RBFOX1: variants seen among roughly 807,000 people sequenced by gnomAD.
The protein encoded by RBFOX1 is RNA binding protein fox-1 homolog 1.
In RBFOX1, 8 loss-of-function variants were observed where a neutral mutation model predicts 57.7. That is an observed-to-expected ratio of 0.14 (90% CI 0.08 to 0.25). RBFOX1 has a LOEUF of 0.25. RBFOX1 is among the 10% of genes least tolerant of loss of function. RBFOX1 has a pLI of 1.00. For synonymous variants in RBFOX1, 326 were observed against 222.4 expected (o/e 1.47, Z -4.15); for missense variants, 611 against 548.5 (o/e 1.11, Z -1.14).
intron 4 of RBFOX1, among the ~76,000 whole-genome samples, chr16:5,897,944 A>T (rs904998605): frequency 6.6e-6 from 1 of 151,932 alleles, no homozygotes; most frequent in African/African-American, 2.4e-5. Context: ...AGTTTAGGTA[A>T]TGACTTCTGG....
rs116494081 is a variant in RBFOX1 at position 6,812,085 on chromosome 16, C to T, written c.-16+157435C>T. On this transcript the variant is annotated intron_variant, in intron 3 of 15. Transcript: ENST00000550418. ...CACCATATAAAGTTGTATTATCAGA[C>T]TCCATATGATGAAGAAGCCTTCACG... Among the ~76,000 whole-genome samples the T allele has an allele frequency of 4.6e-3, 706 of 152,142 alleles. 5 individuals are homozygous for T. The highest frequency in any genetic ancestry group is 0.016 in the African/African-American group (659 of 41,524).
At chr16:6,523,554 C>A (rs149347206) in intron 2 of RBFOX1, among the ~76,000 whole-genome samples, 4 of 152,162 alleles carry the variant, frequency 2.6e-5, no homozygotes. Context: ...ACGCTACTTA[C>A]CCTTTTTTGA....
intron 1 of RBFOX1, among the ~76,000 whole-genome samples, chr16:5,395,563 G>C (rs1001038027): frequency 6.6e-6 from 1 of 152,124 alleles, no homozygotes; most frequent in Non-Finnish European, 1.5e-5. Context: ...TAAAACTTAC[G>C]TATAATGTAT....
At position 6,649,301 on chromosome 16, in the gene RBFOX1, C is replaced by T. The variant is rs1052429476; in HGVS notation, c.-63-5302C>T. ...TCTTTATTAAGGCTGAAATGGTATTCTGTTGTGTATATATACCACATTTGC... is the reference window on the plus strand; with the variant it reads ...TCTTTATTAAGGCTGAAATGGTATTTTGTTGTGTATATATACCACATTTGC... On this transcript the variant is annotated intron_variant, in intron 2 of 15. Coordinates refer to ENST00000550418, the MANE Select transcript of RBFOX1 (RefSeq NM_018723.4). 3.9e-5 allele frequency among the ~76,000 whole-genome samples: 6 copies of T among 152,182 alleles called. No individual in the cohort carries two copies. In the East Asian group the frequency reaches 5.8e-4, roughly 15 times the overall value.
In RBFOX1 at chr16:7,487,301, C is replaced by T. The variant is rs570795778; in HGVS notation, c.28-30846C>T. On this transcript the variant is annotated intron_variant, in intron 4 of 15. Coordinates refer to ENST00000550418, the MANE Select transcript of RBFOX1 (RefSeq NM_018723.4). ...TCCTCAACTACTTTATCTCAAATAG[C>T]GGCCCCATCACTGTCTTGCTCCACG... 2.2e-4 allele frequency among the ~76,000 whole-genome samples: 33 copies of T among 152,252 alleles called. No homozygotes were observed. In the South Asian group the frequency reaches 5.8e-3, roughly 27 times the overall value.
chr16:5,431,168 G>T (rs1305078689), intron 1 of RBFOX1, among the ~76,000 whole-genome samples: 1 of 152,190 alleles, frequency 6.6e-6, no homozygotes, highest in East Asian at 1.9e-4. Context: ...TTGTGTTGGT[G>T]TCCTGATGAC....
chr16:6,042,657 G>GAAACAGTCTCTGGTGGTCCT (rs1409020441), intron 1 of RBFOX1, among the ~76,000 whole-genome samples: 2 of 152,158 alleles, frequency 1.3e-5, no homozygotes, highest in Non-Finnish European at 2.9e-5. Flanking sequence ...CATGGCCTGG[G>GAAACAGTCTCTGGTGGTCCT]AAACAGTCTC....
chr16:6,876,734 TCCCTGC>T (rs565443992), intron 3 of RBFOX1, among the ~76,000 whole-genome samples: 2 of 152,268 alleles, frequency 1.3e-5, no homozygotes, highest in East Asian at 3.9e-4. Context: ...GAACCCATAG[TCCCTGC>T]ATTGTAATTT....
At chr16:6,654,210 G>C (rs2098628893) in intron 2 of RBFOX1, among the ~76,000 whole-genome samples, 1 of 152,150 alleles carries the variant, frequency 6.6e-6, no homozygotes. Flanking sequence ...CTGATAATTT[G>C]TGTTGAAGTG....
intron 1 of RBFOX1, among the ~76,000 whole-genome samples, chr16:5,439,285 A>G (rs1414112444): frequency 6.6e-6 from 1 of 152,130 alleles, no homozygotes; most frequent in Non-Finnish European, 1.5e-5. Context: ...GTGGCTTTGG[A>G]AGCCACAGGA....
chr16:6,485,191 T>A (rs967682096), intron 2 of RBFOX1, among the ~76,000 whole-genome samples: 3 of 152,206 alleles, frequency 2.0e-5, no homozygotes, highest in African/African-American at 4.8e-5. Context: ...GCTTTTCATT[T>A]AAAAAGCAAG....
At chr16:5,252,558 G>T (rs1035660176) in intron 1 of RBFOX1, among the ~76,000 whole-genome samples, 5 of 152,148 alleles carry the variant, frequency 3.3e-5, no homozygotes, top group Admixed American at 2.6e-4. Flanking sequence ...CTCTTGGGCT[G>T]CTTTAGTGGC....
At chr16:6,757,497 A>G (rs1030400588) in intron 3 of RBFOX1, among the ~76,000 whole-genome samples, 2 of 152,196 alleles carry the variant, frequency 1.3e-5, no homozygotes, top group Non-Finnish European at 2.9e-5. Context: ...TTACAGCAAC[A>G]TGGATGGAAC....
intron 1 of RBFOX1, among the ~76,000 whole-genome samples, chr16:6,039,380 C>T (rs565021519): frequency 1.0e-4 from 15 of 149,312 alleles, no homozygotes; most frequent in African/African-American, 3.0e-4. Flanking sequence ...ACAAAACATG[C>T]CAGCTTGACA....
At chr16:6,177,161 G>C (rs1201246886) in intron 1 of RBFOX1, among the ~76,000 whole-genome samples, 1 of 150,372 alleles carries the variant, frequency 6.7e-6, no homozygotes, top group African/African-American at 2.4e-5. Flanking sequence ...TATGGAAGTA[G>C]ACAACCAAAT....
chr16:7,614,020 C>G (rs1251182977), intron 10 of RBFOX1, among the ~76,000 whole-genome samples: 2 of 152,130 alleles, frequency 1.3e-5, no homozygotes, highest in African/African-American at 2.4e-5. Flanking sequence ...TGTTACCATC[C>G]AAGCCCTTCA....
At chr16:6,240,109 T>G (rs1398247160) in intron 1 of RBFOX1, among the ~76,000 whole-genome samples, 1 of 152,188 alleles carries the variant, frequency 6.6e-6, no homozygotes, top group Non-Finnish European at 1.5e-5. Context: ...CATTGCCATG[T>G]AAGATGCCAT....
chr16:5,604,028 C>T (rs898176949), downstream of RBFOX1, among the ~76,000 whole-genome samples: 12 of 152,146 alleles, frequency 7.9e-5, no homozygotes, highest in Non-Finnish European at 7.4e-5. Flanking sequence ...CCATTCCCCC[C>T]TTCTATACTC....
At chr16:7,280,064 C>G (rs1343764381) in intron 4 of RBFOX1, among the ~76,000 whole-genome samples, 3 of 152,192 alleles carry the variant, frequency 2.0e-5, no homozygotes, top group African/African-American at 7.2e-5. Context: ...GATCTGTATT[C>G]AAAACAGATT....
Sources: gnomAD v4.1 joint callset for allele counts (sites outside exome capture counted in the v4.1 genomes callset) on GRCh38, gnomAD v4.1.1 for gene constraint, MANE v1.5 for transcripts, NCBI Gene and HGNC (gene_info 2026-07-23, HGNC 2026-07-21) for gene names.